The following MFSD2A variants were observed in gnomAD, a reference collection of about 807,000 sequenced individuals.
MFSD2A encodes the protein sodium-dependent lysophosphatidylcholine symporter 1.
A neutral mutation model predicts 64.7 loss-of-function variants in MFSD2A; 27 were observed. The observed-to-expected ratio is 0.42, with a 90% CI of 0.31 to 0.58. MFSD2A has a LOEUF of 0.58. Ranked by LOEUF, MFSD2A falls within the 20% of genes least tolerant of loss-of-function variation. MFSD2A has a pLI of 0.18. For missense variants in MFSD2A, 474 were observed against 679.5 expected (o/e 0.70, Z 3.36); for synonymous variants, 258 against 273.4 (o/e 0.94, Z 0.55).
rs956111021 is a variant in MFSD2A at position 39,969,766 on chromosome 1, G to T, written c.*198G>T. On this transcript the variant is annotated 3_prime_UTR_variant, in exon 14 of 14. Transcript: ENST00000372811. ...CCTGCCTCCCCTCTGCCTGCCTGTG[G>T]GGCCAAGCCCTGGGGCTGCCACTGT... 5 of 588,098 alleles carry T rather than the reference G, an allele frequency of 8.5e-6. No homozygotes were observed. The highest frequency in any genetic ancestry group is 1.5e-5 in the Non-Finnish European group (5 of 334,000). 36.4% of individuals were successfully genotyped at this position (588,098 alleles called of 1,614,324 possible).
Position 39,955,412 on chromosome 1 carries a change from G to A in MFSD2A, c.93+27G>A, listed in dbSNP as rs1644903949. ...TGAGGGCCCGGCACCCCGCGTGGAGGGCGAGGGGAGGGAGGAGGCGGAAAT... is the reference window on the plus strand; with the variant it reads ...TGAGGGCCCGGCACCCCGCGTGGAGAGCGAGGGGAGGGAGGAGGCGGAAAT... On this transcript the variant is annotated intron_variant, in intron 1 of 13. Coordinates refer to ENST00000372811, the MANE Select transcript of MFSD2A (RefSeq NM_032793.5). This position sits in a 1 kb window ranked among gnomAD's most constrained non-coding sequence, Gnocchi z 5.9. 1 of 1,507,364 alleles carries A rather than the reference G, an allele frequency of 6.6e-7. No homozygotes were observed. The highest frequency in any genetic ancestry group is 1.8e-4 in the Middle Eastern group (1 of 5,662). The allele number at this position is 1,507,364 out of a possible 1,614,324, so 93.4% of individuals were successfully genotyped here. A position where few individuals can be genotyped will look rare whatever the true frequency, so the allele number is the denominator to read the frequency against.
At chr1:39,961,326 G>GCC (rs555894215) in intron 3 of MFSD2A, among the ~76,000 whole-genome samples, 4 of 5,896 alleles carry the variant, frequency 6.8e-4, no homozygotes, top group African/African-American at 1.6e-3. Flanking sequence ...TCCCGCCCCC[G>GCC]CCCCCCCCCC....
Position 39,967,688 on chromosome 1 carries a change from A to T in MFSD2A, c.1072A>T (p.Thr358Ser), listed in dbSNP as rs372953307. 1 of 1,614,106 alleles carries T rather than the reference A, an allele frequency of 6.2e-7. No homozygotes were observed. The highest frequency in any genetic ancestry group is 8.5e-7 in the Non-Finnish European group (1 of 1,179,986). The change falls in exon 10 of 14, where the codon ACA (threonine) becomes TCA (serine). Residue 358 changes from threonine to serine, a missense_variant. Coordinates refer to ENST00000372811, the MANE Select transcript of MFSD2A (RefSeq NM_032793.5). ...QWFLTRFGKK[T>S]AVYVGISSAV... ...GTTCTTGACCCGGTTTGGCAAGAAGACAGCTGTATATGTTGGGATCTCAGT... is the reference window on the plus strand; with the variant it reads ...GTTCTTGACCCGGTTTGGCAAGAAGTCAGCTGTATATGTTGGGATCTCAGT...
rs1380007127 is a variant in MFSD2A at position 39,963,401 on chromosome 1, A to G, written c.354-1810A>G. On this transcript the variant is annotated intron_variant, in intron 3 of 13. Coordinates refer to ENST00000372811, the MANE Select transcript of MFSD2A (RefSeq NM_032793.5). The surrounding 1 kb of genome is among the most constrained non-coding windows in gnomAD (Gnocchi z 4.2). ...ACCAGGCTCCAGCTGTGGCTACAAC[A>G]TAGGGTTTTTATACAAGAGAAGTAA... The G allele has an allele frequency of 1.5e-6, 1 of 649,240 alleles. No homozygotes were observed. Among genetic ancestry groups the G allele is most frequent in the Non-Finnish European group, 2.7e-6 (1 of 366,216 alleles). The allele number at this position is 649,240 out of a possible 1,614,324, so 40.2% of individuals were successfully genotyped here.
At position 39,955,395 on chromosome 1, in the gene MFSD2A, C is replaced by G; in HGVS notation, c.93+10C>G. 1 of 1,510,574 alleles carries G rather than the reference C, an allele frequency of 6.6e-7. No individual in the cohort carries two copies. Among genetic ancestry groups the G allele is most frequent in the Non-Finnish European group, 8.9e-7 (1 of 1,129,512 alleles). 93.6% of individuals were successfully genotyped at this position (1,510,574 alleles called of 1,614,324 possible). A position where few individuals can be genotyped will look rare whatever the true frequency, so the allele number is the denominator to read the frequency against. On this transcript the variant is annotated intron_variant, in intron 1 of 13. Transcript: ENST00000372811. This position sits in a 1 kb window ranked among gnomAD's most constrained non-coding sequence, Gnocchi z 5.9. ...CCCGGCCCAGGTGAAGGTGAGGGCC[C>G]GGCACCCCGCGTGGAGGGCGAGGGG... is the stretch of plus-strand genomic sequence containing the variant.
chr1:39,955,627 C>T lies in MFSD2A; in HGVS notation c.93+242C>T, dbSNP rs1366904117. On this transcript the variant is annotated intron_variant, in intron 1 of 13. Coordinates refer to ENST00000372811, the MANE Select transcript of MFSD2A (RefSeq NM_032793.5). This position sits in a 1 kb window ranked among gnomAD's most constrained non-coding sequence, Gnocchi z 5.9. ...CTCTGCGGAGAGGCTCTGCCGGCAG[C>T]CCCATGTGATTCCCCGCTCTGCCTA... 1.5e-6 allele frequency: 1 copy of T among 687,550 alleles called. No individual in the cohort carries two copies. The highest frequency in any genetic ancestry group is 1.5e-5 in the South Asian group (1 of 66,236). 42.6% of individuals were successfully genotyped at this position (687,550 alleles called of 1,614,324 possible). A position where few individuals can be genotyped will look rare whatever the true frequency, so the allele number is the denominator to read the frequency against.
At chr1:39,961,132 T>G (rs1345547940) in intron 3 of MFSD2A, among the ~76,000 whole-genome samples, 1 of 151,906 alleles carries the variant, frequency 6.6e-6, no homozygotes. Flanking sequence ...TCTCCATCCA[T>G]ACCACCTGAC....
rs1645144063 is a variant in MFSD2A, at chr1:39,965,609, C to T, written c.556+60C>T. 10 of 1,535,858 alleles carry T rather than the reference C, an allele frequency of 6.5e-6. No homozygotes were observed. The Admixed American group carries it at 1.7e-4, about 26-fold the overall frequency. On this transcript the variant is annotated intron_variant, in intron 5 of 13. Coordinates refer to ENST00000372811, the MANE Select transcript of MFSD2A (RefSeq NM_032793.5). The surrounding 1 kb of genome is among the most constrained non-coding windows in gnomAD (Gnocchi z 5.5). Reference sequence around the variant, plus strand: ...AGGGACCCTCCAGCCATACTTCTTCCCTTGCGGGTCCAGCTCTTTGCTCTG... The same window carrying T: ...AGGGACCCTCCAGCCATACTTCTTCTCTTGCGGGTCCAGCTCTTTGCTCTG...
At position 39,964,891 on chromosome 1, in the gene MFSD2A, C is replaced by T. The variant is rs954872772; in HGVS notation, c.354-320C>T. ...GCTGCTCCTTCTCTTTGCCTCCTTG[C>T]CCAGGCACCTGAGGTCTTGGACTCC... On this transcript the variant is annotated intron_variant, in intron 3 of 13. Coordinates refer to ENST00000372811, the MANE Select transcript of MFSD2A (RefSeq NM_032793.5). The surrounding 1 kb of genome is among the most constrained non-coding windows in gnomAD (Gnocchi z 4.1). 6 of 364,364 alleles carry T rather than the reference C, an allele frequency of 1.6e-5. No homozygotes were observed. The highest frequency in any genetic ancestry group is 3.9e-5 in the South Asian group (1 of 25,380). 22.6% of individuals were successfully genotyped at this position (364,364 alleles called of 1,614,324 possible).
chr1:39,963,476 T>C lies in MFSD2A; in HGVS notation c.354-1735T>C, dbSNP rs13374157. ...AAATGTTTACGAGACAGAGTCTTGC[T>C]ATGTTGCACAGGCTGGACTCAAACT... On this transcript the variant is annotated intron_variant, in intron 3 of 13. Transcript: ENST00000372811. The surrounding 1 kb of genome is among the most constrained non-coding windows in gnomAD (Gnocchi z 4.2). 8,894 of 512,056 alleles carry C rather than the reference T, an allele frequency of 0.017. 644 individuals carry two copies. Among genetic ancestry groups the C allele is most frequent in the African/African-American group, 0.15 (7,986 of 51,868 alleles). 31.7% of individuals were successfully genotyped at this position (512,056 alleles called of 1,614,324 possible).
rs1365312887 is a variant in MFSD2A, at chr1:39,960,094, A to G, written c.353+1269A>G. Among the ~76,000 whole-genome samples, 5 of 152,230 alleles carry G rather than the reference A, an allele frequency of 3.3e-5. No individual in the cohort carries two copies. The highest frequency in any genetic ancestry group is 5.9e-5 in the Non-Finnish European group (4 of 68,032). ...CGTAAATTACCTTCTCCCTTGGTACAAAGCCTGTGCTACTCAGCTTCAGGG... is the reference window on the plus strand; with the variant it reads ...CGTAAATTACCTTCTCCCTTGGTACGAAGCCTGTGCTACTCAGCTTCAGGG... On this transcript the variant is annotated intron_variant, in intron 3 of 13. Transcript: ENST00000372811. The surrounding 1 kb of genome is among the most constrained non-coding windows in gnomAD (Gnocchi z 4.8).
In MFSD2A at chr1:39,957,143, A is replaced by C. The variant is rs1323313203; in HGVS notation, c.150A>C (p.Ala50=). 6.2e-7 allele frequency: 1 copy of C among 1,614,042 alleles called. No homozygotes were observed. Among genetic ancestry groups the C allele is most frequent in the Non-Finnish European group, 8.5e-7 (1 of 1,179,942 alleles). The change falls in exon 2 of 14, where the codon GCA becomes GCC. Residue 50 remains alanine, a synonymous_variant. Coordinates refer to ENST00000372811, the MANE Select transcript of MFSD2A (RefSeq NM_032793.5). The stretch of plus-strand genomic sequence containing the variant: ...CTGTTTGCAACAAGCTTTGCTATGC[A>C]CTTGGGGGAGCCCCCTACCAGGTGA... ...QLSVCNKLCY[A]LGGAPYQVTG...
chr1:39,968,122 T>C lies in MFSD2A; in HGVS notation c.1208+206T>C. 1.5e-6 allele frequency: 1 copy of C among 663,848 alleles called. No individual in the cohort carries two copies. The highest frequency in any genetic ancestry group is 2.9e-5 in the Admixed American group (1 of 34,290). 41.1% of individuals were successfully genotyped at this position (663,848 alleles called of 1,614,324 possible). The stretch of plus-strand genomic sequence containing the variant: ...TCAGAGTGAAAAATGGGGGCTGTAA[T>C]CTGGCCTGGGCTCCACTTGCCACGC... On this transcript the variant is annotated intron_variant, in intron 11 of 13. Transcript: ENST00000372811. This position sits in a 1 kb window ranked among gnomAD's most constrained non-coding sequence, Gnocchi z 4.4.
chr1:39,965,813 C>A lies in MFSD2A; in HGVS notation c.557-44C>A. 2 of 1,607,812 alleles carry A rather than the reference C, an allele frequency of 1.2e-6. No homozygotes were observed. Among genetic ancestry groups the A allele is most frequent in the Non-Finnish European group, 1.7e-6 (2 of 1,176,476 alleles). On this transcript the variant is annotated intron_variant, in intron 5 of 13. Coordinates refer to ENST00000372811, the MANE Select transcript of MFSD2A (RefSeq NM_032793.5). This position sits in a 1 kb window ranked among gnomAD's most constrained non-coding sequence, Gnocchi z 5.5. ...CATTTGACCTTCCTCCCTGGGCCCA[C>A]AATCCATGAGGCCCCTCCAAAACAC...
At position 39,965,542 on chromosome 1, in the gene MFSD2A, C is replaced by A. The variant is rs115821410; in HGVS notation, c.549C>A (p.Thr183=). Residue 183 remains threonine, a synonymous_variant, in exon 5 of 14, where the codon ACC becomes ACA. Coordinates refer to ENST00000372811, the MANE Select transcript of MFSD2A (RefSeq NM_032793.5). This position sits in a 1 kb window ranked among gnomAD's most constrained non-coding sequence, Gnocchi z 5.5. ...STEQTERDSA[T]AYRMTVEVLG... The stretch of plus-strand genomic sequence containing the variant: ...AGCAGACTGAGCGGGATTCTGCCAC[C>A]GCCTATCGTGAGTCTCCCCAGCCCA... 8.2e-4 allele frequency: 1,324 copies of A among 1,614,080 alleles called. 6 individuals carry two copies. The highest frequency in any genetic ancestry group is 7.4e-3 in the East Asian group (330 of 44,880).
rs983350314 is a variant in MFSD2A, at chr1:39,968,234, G to A, written c.1209-100G>A. Reference sequence around the variant, plus strand: ...AGGTCCCATATCCTCACTGAGCTGTGTACCCATGGTACTGCAAGCTTCCAG... The same window carrying A: ...AGGTCCCATATCCTCACTGAGCTGTATACCCATGGTACTGCAAGCTTCCAG... On this transcript the variant is annotated intron_variant, in intron 11 of 13. Transcript: ENST00000372811. The surrounding 1 kb of genome is among the most constrained non-coding windows in gnomAD (Gnocchi z 4.4). 1.4e-6 allele frequency: 2 copies of A among 1,420,462 alleles called. No individual in the cohort carries two copies. The highest frequency in any genetic ancestry group is 2.0e-6 in the Non-Finnish European group (2 of 1,016,534). 88.0% of individuals were successfully genotyped at this position (1,420,462 alleles called of 1,614,324 possible). A position where few individuals can be genotyped will look rare whatever the true frequency, so the allele number is the denominator to read the frequency against.
chr1:39,965,841 C>T lies in MFSD2A; in HGVS notation c.557-16C>T. On this transcript the variant is annotated splice_polypyrimidine_tract_variant and intron_variant, in intron 5 of 13. Coordinates refer to ENST00000372811, the MANE Select transcript of MFSD2A (RefSeq NM_032793.5). This position sits in a 1 kb window ranked among gnomAD's most constrained non-coding sequence, Gnocchi z 5.5. Reference sequence around the variant, plus strand: ...TCCATGAGGCCCCTCCAAAACACCTCCTTTTCTCCTGCCAGGGATGACTGT... The same window carrying T: ...TCCATGAGGCCCCTCCAAAACACCTTCTTTTCTCCTGCCAGGGATGACTGT... 1 of 1,613,186 alleles carries T rather than the reference C, an allele frequency of 6.2e-7. No homozygotes were observed. Among genetic ancestry groups the T allele is most frequent in the African/African-American group, 1.3e-5 (1 of 75,006 alleles).
At position 39,967,134 on chromosome 1, in the gene MFSD2A, C is replaced by T. The variant is rs768428510; in HGVS notation, c.976C>T (p.Arg326Cys). The T allele has an allele frequency of 8.7e-6, 14 of 1,613,844 alleles. No individual in the cohort carries two copies. The highest frequency in any genetic ancestry group is 1.3e-5 in the African/African-American group (1 of 74,854). The change falls in exon 9 of 14, where the codon CGC becomes TGC. Residue 326 changes from arginine to cysteine, a missense_variant. Transcript: ENST00000372811. ...GTTTTGCACCTACACCTTGGGCTTCCGCAATGAATTCCAGAATCTACTCCT... is the reference window on the plus strand; with the variant it reads ...GTTTTGCACCTACACCTTGGGCTTCTGCAATGAATTCCAGAATCTACTCCT... ...VLFCTYTLGFRNEFQNLLLAI... is the reference protein window; with the variant it reads ...VLFCTYTLGFCNEFQNLLLAI...
Position 39,965,575 on chromosome 1 carries a change from C to A in MFSD2A, c.556+26C>A. On this transcript the variant is annotated intron_variant, in intron 5 of 13. Coordinates refer to ENST00000372811, the MANE Select transcript of MFSD2A (RefSeq NM_032793.5). The surrounding 1 kb of genome is among the most constrained non-coding windows in gnomAD (Gnocchi z 5.5). The stretch of plus-strand genomic sequence containing the variant: ...GTGAGTCTCCCCAGCCCACCTGACC[C>A]CACCCTCCAGGGACCCTCCAGCCAT... The A allele has an allele frequency of 6.2e-7, 1 of 1,611,082 alleles. No homozygotes were observed. The highest frequency in any genetic ancestry group is 8.5e-7 in the Non-Finnish European group (1 of 1,177,298).
Sources: allele counts gnomAD v4.1 joint callset (sites outside exome capture counted in the v4.1 genomes callset), GRCh38; gene constraint gnomAD v4.1.1; non-coding constraint Gnocchi (gnomAD v3.1); transcripts MANE v1.5; gene names NCBI Gene and HGNC (gene_info 2026-07-23, HGNC 2026-07-21).